RBFOX1: variants seen among roughly 807,000 people sequenced by gnomAD.
RBFOX1 encodes RNA binding fox-1 homolog 1.
A neutral mutation model predicts 57.7 loss-of-function variants in RBFOX1; 8 were observed. The observed-to-expected ratio is 0.14, with a 90% CI of 0.08 to 0.25. The LOEUF is 0.25. Among genes scored for constraint, RBFOX1 ranks in the 10% least tolerant of loss-of-function variants. The pLI is 1.00. For synonymous variants in RBFOX1, 326 were observed against 222.4 expected (o/e 1.47, Z -4.15); for missense variants, 611 against 548.5 (o/e 1.11, Z -1.14).
intron 1 of RBFOX1, among the ~76,000 whole-genome samples, chr16:6,022,787 C>T (rs1404502706): frequency 6.6e-6 from 1 of 152,230 alleles, no homozygotes; most frequent in Non-Finnish European, 1.5e-5. Flanking sequence ...ATCTGTGGCA[C>T]ACATTTGCCC....
intron 2 of RBFOX1, among the ~76,000 whole-genome samples, chr16:5,467,416 A>G (rs1200304539): frequency 1.3e-5 from 2 of 152,148 alleles, no homozygotes; most frequent in Non-Finnish European, 2.9e-5. Flanking sequence ...GTCACTACTA[A>G]TTGATCAGGG....
At chr16:6,953,629 C>G (rs1369625116) in intron 3 of RBFOX1, among the ~76,000 whole-genome samples, 1 of 152,132 alleles carries the variant, frequency 6.6e-6, no homozygotes, top group Admixed American at 6.6e-5. Context: ...TGAAGTGATC[C>G]ACTCATCTCG....
At chr16:7,313,148 GCGCCTCCTGAAAGTGGCTT>G (rs1471021584) in intron 4 of RBFOX1, among the ~76,000 whole-genome samples, 1 of 152,194 alleles carries the variant, frequency 6.6e-6, no homozygotes, top group African/African-American at 2.4e-5. Context: ...AAACACAAAA[GCGCCTCCTGAAAGTGGCTT>G]TGCTTTGGAT....
intron 2 of RBFOX1, among the ~76,000 whole-genome samples, chr16:6,516,052 A>G (rs748367316): frequency 1.5e-4 from 23 of 151,964 alleles, no homozygotes; most frequent in Non-Finnish European, 1.9e-4. Flanking sequence ...ATCCCAGAGC[A>G]ATGGTACACT....
At chr16:5,709,328 G>A (rs2051366958) in intron 3 of RBFOX1, among the ~76,000 whole-genome samples, 1 of 152,156 alleles carries the variant, frequency 6.6e-6, no homozygotes, top group South Asian at 2.1e-4. Context: ...GAAGAGTAAG[G>A]AATGGTTCTT....
chr16:6,481,268 T>C (rs2095367119), intron 2 of RBFOX1, among the ~76,000 whole-genome samples: 1 of 152,174 alleles, frequency 6.6e-6, no homozygotes. Context: ...CAGCTGTAAA[T>C]GTGGGCCTTC....
At chr16:6,423,982 G>A (rs1235333376) in intron 2 of RBFOX1, among the ~76,000 whole-genome samples, 3 of 152,174 alleles carry the variant, frequency 2.0e-5, no homozygotes, top group African/African-American at 7.2e-5. Flanking sequence ...GCTCACGCCT[G>A]TAATCTCAGC....
At chr16:6,569,474 T>C (rs1007401317) in intron 2 of RBFOX1, among the ~76,000 whole-genome samples, 15 of 152,198 alleles carry the variant, frequency 9.9e-5, no homozygotes, top group African/African-American at 3.4e-4. Context: ...CCAAAGTAAT[T>C]GTTGCTTCCC....
intron 3 of RBFOX1, among the ~76,000 whole-genome samples, chr16:5,747,840 G>C (rs1462459996): frequency 6.6e-6 from 1 of 152,078 alleles, no homozygotes; most frequent in Non-Finnish European, 1.5e-5. Flanking sequence ...TGGATTCCTT[G>C]ATTTTTTGAA....
chr16:6,240,620 T>A (rs2097535191), intron 1 of RBFOX1, among the ~76,000 whole-genome samples: 1 of 152,076 alleles, frequency 6.6e-6, no homozygotes, highest in Non-Finnish European at 1.5e-5. Context: ...AATATAAACC[T>A]TGCTTGACCA....
At chr16:6,464,068 G>A (rs919053193) in intron 2 of RBFOX1, among the ~76,000 whole-genome samples, 1 of 152,122 alleles carries the variant, frequency 6.6e-6, no homozygotes, top group Non-Finnish European at 1.5e-5. Context: ...TGTTAGTTCC[G>A]AAAATTTTAT....
chr16:7,583,143 C>T (rs2093903164), intron 6 of RBFOX1, among the ~76,000 whole-genome samples: 1 of 127,752 alleles, frequency 7.8e-6, no homozygotes, highest in Non-Finnish European at 1.6e-5. Flanking sequence ...AATCTTCTAG[C>T]TCATCTTTTT....
intron 3 of RBFOX1, among the ~76,000 whole-genome samples, chr16:5,733,105 G>A (rs1453584451): frequency 1.3e-5 from 2 of 151,868 alleles, no homozygotes; most frequent in East Asian, 1.9e-4. Context: ...CAAAACAAAT[G>A]AACAAAAAAA....
At chr16:6,456,678 G>T (rs1207056499) in intron 2 of RBFOX1, among the ~76,000 whole-genome samples, 1 of 152,182 alleles carries the variant, frequency 6.6e-6, no homozygotes, top group Non-Finnish European at 1.5e-5. Flanking sequence ...GAGGGCGGTT[G>T]CAGGCTGATG....
At chr16:7,126,306 G>T in intron 4 of RBFOX1, 1 of 317,894 alleles carries the variant, frequency 3.1e-6, no homozygotes, top group African/African-American at 2.2e-5. Flanking sequence ...CATGGGCTTT[G>T]GTGGGGGTCA....
At chr16:7,510,206 A>T in intron 4 of RBFOX1, 1 of 985,868 alleles carries the variant, frequency 1.0e-6, no homozygotes. Context: ...CACAGCGCGC[A>T]CACCCTCGCT....
chr16:6,341,544 C>T (rs189992825), intron 2 of RBFOX1, among the ~76,000 whole-genome samples: 2 of 152,202 alleles, frequency 1.3e-5, no homozygotes, highest in East Asian at 3.9e-4. Context: ...AAAAGGATTC[C>T]TAATTTTGCT....
At chr16:6,920,485 C>T (rs190575309) in intron 3 of RBFOX1, among the ~76,000 whole-genome samples, 24 of 152,250 alleles carry the variant, frequency 1.6e-4, no homozygotes, top group South Asian at 6.2e-4. Context: ...AAGGGAGCAC[C>T]GAGTCCACAG....
chr16:7,293,253 T>G (rs1199098809), intron 4 of RBFOX1, among the ~76,000 whole-genome samples: 1 of 152,156 alleles, frequency 6.6e-6, no homozygotes, highest in African/African-American at 2.4e-5. Context: ...AACAACTATT[T>G]ACATGGAATT....
Sources: gnomAD v4.1 joint callset for allele counts (sites outside exome capture counted in the v4.1 genomes callset) on GRCh38, gnomAD v4.1.1 for gene constraint, MANE v1.5 for transcripts, NCBI Gene and HGNC (gene_info 2026-07-23, HGNC 2026-07-21) for gene names.